The following EGFR variants were observed in gnomAD, a reference collection of about 807,000 sequenced individuals.
EGFR encodes avian erythroblastic leukemia viral (v-erb-b) oncogene homolog.
EGFR carries 58 observed loss-of-function variants against 143.0 expected under a neutral mutation model. The observed-to-expected ratio is 0.41, with a 90% CI of 0.33 to 0.50. EGFR has a LOEUF of 0.50. Among genes scored for constraint, EGFR ranks in the 20% least tolerant of loss-of-function variants. EGFR has a pLI of 0.39. For synonymous variants in EGFR, 613 were observed against 594.4 expected, an observed-to-expected ratio of 1.03 and a Z score of -0.45; for missense variants, 1,307 against 1,579.0, an observed-to-expected ratio of 0.83 and a Z score of 2.92.
At position 55,075,646 on chromosome 7, in the gene EGFR, C is replaced by T. The variant is rs577223777; in HGVS notation, c.88+56281C>T. Among the ~76,000 whole-genome samples the T allele has an allele frequency of 3.9e-5, 6 of 152,276 alleles. No homozygotes were observed. The East Asian group carries it at 1.2e-3, about 29-fold the overall frequency. On this transcript the variant is annotated intron_variant, in intron 1 of 27. Transcript: ENST00000275493. ...CTCGAGTTCCTGTAATGGATACACT[C>T]AGGCAGCAGAACCTACCACCGTAGT...
At chr7:55,110,625 G>A (rs1792419500) in intron 1 of EGFR, among the ~76,000 whole-genome samples, 1 of 152,216 alleles carries the variant, frequency 6.6e-6, no homozygotes, top group African/African-American at 2.4e-5. Context: ...TGTGTGACTG[G>A]GAATTAAGGA....
At chr7:55,026,486 A>C (rs559755446) in intron 1 of EGFR, among the ~76,000 whole-genome samples, 1 of 152,338 alleles carries the variant, frequency 6.6e-6, no homozygotes, top group African/African-American at 2.4e-5. Context: ...GCCTAAATTC[A>C]AACTGCATCA....
At chr7:55,168,344 CA>C (rs1383549762) in intron 15 of EGFR, among the ~76,000 whole-genome samples, 2 of 152,200 alleles carry the variant, frequency 1.3e-5, no homozygotes, top group African/African-American at 4.8e-5. Context: ...ATCTCTGTGT[CA>C]GTGAGCATAT....
intron 1 of EGFR, among the ~76,000 whole-genome samples, chr7:55,100,685 A>G: frequency 6.6e-6 from 1 of 152,156 alleles, no homozygotes. Context: ...TCATCTCCAC[A>G]CGCCGTCCTT....
Position 55,205,261 on chromosome 7 carries a change from A to G in EGFR, c.3277A>G (p.Ile1093Val), listed in dbSNP as rs1788062018. 3 of 1,613,652 alleles carry G rather than the reference A, an allele frequency of 1.9e-6. No individual in the cohort carries two copies. Among genetic ancestry groups the G allele is most frequent in the South Asian group, 1.1e-5 (1 of 90,998 alleles). Residue 1093 changes from isoleucine (I) to valine (V), a missense_variant, in exon 28 of 28, where the codon ATA becomes GTA. Physicochemically the swap from Ile to Val is conservative, Grantham distance 29. This residue lies in a region of EGFR where 313 missense variants were observed against 312.3 expected (regional missense o/e 1.00). Coordinates refer to ENST00000275493, the MANE Select transcript of EGFR (RefSeq NM_005228.5). ...TGATTTCTTTCCACTTTCAGAATAC[A>G]TAAACCAGTCCGTTCCCAAAAGGCC... Reference protein sequence around the residue: ...DDTFLPVPEYINQSVPKRPAG... With the variant: ...DDTFLPVPEYVNQSVPKRPAG...
rs183920118 is a variant in EGFR, at chr7:55,062,269, C to T, written c.88+42904C>T. Among the ~76,000 whole-genome samples, 60 of 152,202 alleles carry T rather than the reference C, an allele frequency of 3.9e-4. 1 individual carries two copies. The highest frequency in any genetic ancestry group is 1.2e-3 in the African/African-American group (51 of 41,528). ...TTAAAATTAGTCTTCAATGACATGG[C>T]AGGGATTTCGGCACACTCTCTTGCG... On this transcript the variant is annotated intron_variant, in intron 1 of 27. Coordinates refer to ENST00000275493, the MANE Select transcript of EGFR (RefSeq NM_005228.5).
intron 13 of EGFR, among the ~76,000 whole-genome samples, 159 bp downstream of exon 13, chr7:55,161,790 TTTGA>T (rs2128943395): frequency 1.3e-5 from 2 of 152,364 alleles, no homozygotes; most frequent in South Asian, 4.1e-4. Context: ...CGGGAAGTTG[TTTGA>T]TTGCGTTATT....
At chr7:55,117,099 A>G (rs1007282397) in intron 1 of EGFR, among the ~76,000 whole-genome samples, 3 of 152,230 alleles carry the variant, frequency 2.0e-5, no homozygotes, top group African/African-American at 7.2e-5. Flanking sequence ...ATAGCAAATT[A>G]TACACCACCA....
chr7:55,088,854 C>T (rs1021331789), intron 1 of EGFR, among the ~76,000 whole-genome samples: 1 of 152,216 alleles, frequency 6.6e-6, no homozygotes, highest in Non-Finnish European at 1.5e-5. Flanking sequence ...CCTCATCTCC[C>T]ACGCCCTCCA....
chr7:55,070,964 G>T (rs995239868), intron 1 of EGFR, among the ~76,000 whole-genome samples: 2 of 152,216 alleles, frequency 1.3e-5, no homozygotes, highest in African/African-American at 4.8e-5. Flanking sequence ...ATGGCAACAT[G>T]GGTATACACA....
chr7:55,086,423 T>C (rs987719199), intron 1 of EGFR, among the ~76,000 whole-genome samples: 4 of 152,256 alleles, frequency 2.6e-5, no homozygotes, highest in Non-Finnish European at 2.9e-5. Context: ...AATGAAGCTG[T>C]GGCTTTTCTG....
intron 1 of EGFR, among the ~76,000 whole-genome samples, chr7:55,086,316 G>A (rs1790756928): frequency 6.6e-6 from 1 of 152,066 alleles, no homozygotes; most frequent in African/African-American, 2.4e-5. Context: ...AATTATATAA[G>A]ATAGTCTATG....
chr7:55,204,001 A>T (rs1038983962), intron 27 of EGFR, among the ~76,000 whole-genome samples: 1 of 151,196 alleles, frequency 6.6e-6, no homozygotes, highest in African/African-American at 2.4e-5. Flanking sequence ...GATATATAAC[A>T]TATGTAAGTT....
rs1273754953 is a variant in EGFR at position 55,070,399 on chromosome 7, T to C, written c.88+51034T>C. ...CAGCAAACCTCCACTGCCTAAAATA[T>C]AGTGAGGTCATTCATCTTCGGACAA... On this transcript the variant is annotated intron_variant, in intron 1 of 27. Coordinates refer to ENST00000275493, the MANE Select transcript of EGFR (RefSeq NM_005228.5). 2.6e-5 allele frequency among the ~76,000 whole-genome samples: 4 copies of C among 152,364 alleles called. No homozygotes were observed. In the East Asian group the frequency reaches 7.7e-4, roughly 29 times the overall value.
At chr7:55,114,468 A>G (rs1346062481) in intron 1 of EGFR, among the ~76,000 whole-genome samples, 1 of 152,222 alleles carries the variant, frequency 6.6e-6, no homozygotes, top group East Asian at 1.9e-4. Context: ...CCTAGGTGAC[A>G]CAGTGAGACC....
At chr7:55,126,714 C>T (rs1793542951) in intron 1 of EGFR, among the ~76,000 whole-genome samples, 1 of 152,162 alleles carries the variant, frequency 6.6e-6, no homozygotes, top group African/African-American at 2.4e-5. Context: ...CAATAGTTTC[C>T]TTATTAGGTT....
At chr7:55,106,279 T>C (rs1792125555) in intron 1 of EGFR, among the ~76,000 whole-genome samples, 1 of 152,220 alleles carries the variant, frequency 6.6e-6, no homozygotes, top group African/African-American at 2.4e-5. Context: ...CGTTGAACAG[T>C]GTGCGTCCAG....
intron 1 of EGFR, among the ~76,000 whole-genome samples, chr7:55,040,124 G>T (rs1417463602): frequency 6.6e-6 from 1 of 152,132 alleles, no homozygotes; most frequent in Non-Finnish European, 1.5e-5. Flanking sequence ...AAGGAAAGTT[G>T]CTTATTGGAA....
At chr7:55,148,818 C>T (rs889068027) in intron 4 of EGFR, among the ~76,000 whole-genome samples, 2 of 151,898 alleles carry the variant, frequency 1.3e-5, no homozygotes, top group Non-Finnish European at 2.9e-5. Context: ...TGCTTTATGG[C>T]TACACGTTCC....
Sources: allele counts gnomAD v4.1 joint callset (sites outside exome capture counted in the v4.1 genomes callset), GRCh38; gene constraint gnomAD v4.1.1; regional missense constraint gnomAD v4.1.1; transcripts MANE v1.5; gene names NCBI Gene and HGNC (gene_info 2026-07-23, HGNC 2026-07-21).